DCAF8L2: variants seen among roughly 807,000 people sequenced by gnomAD.
The protein encoded by DCAF8L2 is DDB1- and CUL4-associated factor 8-like protein 2.
For synonymous variants in DCAF8L2, 200 were observed against 190.9 expected (o/e 1.05, Z -0.39); for missense variants, 430 against 490.7 (o/e 0.88, Z 1.17).
chrX:27,639,198 A>G (rs1336245572), intron 2 of DCAF8L2, among the ~76,000 whole-genome samples: 2 of 111,924 alleles, frequency 1.8e-5, no homozygotes. Flanking sequence ...AAAGACAAAC[A>G]TTGCATGTTG....
chrX:27,493,227 C>T, the DCAF8L2 span, among the ~76,000 whole-genome samples: 1 of 111,375 alleles, frequency 9.0e-6, no homozygotes, highest in East Asian at 2.9e-4. Context: ...GGTGACACAG[C>T]AAGACCCTGT....
chrX:27,651,548 C>T (rs1319604049), intron 2 of DCAF8L2, among the ~76,000 whole-genome samples: 2 of 84,008 alleles, frequency 2.4e-5, no homozygotes, highest in African/African-American at 4.7e-5. Context: ...CTTGCTCTGT[C>T]GCCCAGGCTG....
the DCAF8L2 span, chrX:27,519,736 T>C: frequency 1.8e-6 from 1 of 566,610 alleles, no homozygotes; most frequent in African/African-American, 2.2e-5. Context: ...GGCATTAAGT[T>C]CAGAATTAGC....
the DCAF8L2 span, among the ~76,000 whole-genome samples, chrX:27,579,615 T>TACACACACACACACACACACAC: frequency 1.1e-5 from 1 of 87,941 alleles, no homozygotes; most frequent in African/African-American, 4.4e-5. Context: ...TTCAGAGAAA[T>TACACACACACACACACACACAC]ACACACACAC....
chrX:27,637,433 A>T (rs1210139657), intron 2 of DCAF8L2, among the ~76,000 whole-genome samples: 1 of 111,767 alleles, frequency 8.9e-6, no homozygotes, highest in African/African-American at 3.3e-5. Flanking sequence ...TGCTTGACTG[A>T]ATTTCCACAT....
chrX:27,559,931 G>A, the DCAF8L2 span, among the ~76,000 whole-genome samples: 16 of 104,286 alleles, frequency 1.5e-4, no homozygotes. Context: ...CCATGAGTGT[G>A]TATATACTTT....
At chrX:27,584,124 T>C in the DCAF8L2 span, among the ~76,000 whole-genome samples, 1 of 111,849 alleles carries the variant, frequency 8.9e-6, no homozygotes, top group African/African-American at 3.2e-5. Context: ...ACATTTTTTC[T>C]GAGTAACTCA....
intron 2 of DCAF8L2, among the ~76,000 whole-genome samples, chrX:27,668,593 A>T (rs1489310667): frequency 3.6e-5 from 4 of 111,826 alleles, no homozygotes; most frequent in African/African-American, 6.5e-5. Context: ...ACCAGCTGTC[A>T]GTTAGTTAAG....
At chrX:27,577,131 G>A in the DCAF8L2 span, among the ~76,000 whole-genome samples, 201 of 112,100 alleles carry the variant, frequency 1.8e-3, no homozygotes, top group African/African-American at 5.9e-3. Flanking sequence ...AATTTGCAAC[G>A]AGAAATACAA....
At chrX:27,685,840 A>G (rs1032956683) in intron 3 of DCAF8L2, among the ~76,000 whole-genome samples, 2 of 112,004 alleles carry the variant, frequency 1.8e-5, no homozygotes, top group African/African-American at 6.5e-5. Context: ...CCATCTGACA[A>G]TGGATTAATA....
intron 4 of DCAF8L2, among the ~76,000 whole-genome samples, chrX:27,728,081 C>T (rs1221855898): frequency 9.0e-6 from 1 of 111,621 alleles, no homozygotes. Flanking sequence ...ACACCTCCTG[C>T]TTTGGGCTTG....
At chrX:27,485,292 C>A in the DCAF8L2 span, among the ~76,000 whole-genome samples, 4 of 111,707 alleles carry the variant, frequency 3.6e-5, no homozygotes, top group East Asian at 1.1e-3. Context: ...AACAAAAGTT[C>A]CACATATTTT....
In DCAF8L2 at chrX:27,746,914, A is replaced by G. The variant is rs1922201255; in HGVS notation, c.19A>G (p.Ser7Gly). MSHQEG[S>G]TDGLPDLGTE... is the part of the protein sequence containing the mutation. ...GTTCAAGATGTCCCACCAAGAAGGC[A>G]GCACAGACGGCTTACCAGACTTAGG... Residue 7 changes from serine to glycine, a missense_variant, in exon 5 of 5, where the codon AGC (serine) becomes GGC (glycine). Ser to Gly is a moderately conservative substitution (Grantham distance 56). Coordinates refer to ENST00000451261, the MANE Select transcript of DCAF8L2 (RefSeq NM_001353450.2). The G allele has an allele frequency of 8.3e-7, 1 of 1,200,885 alleles. No individual in the cohort carries two copies. The highest frequency in any genetic ancestry group is 1.1e-6 in the Non-Finnish European group (1 of 890,980).
intron 3 of DCAF8L2, among the ~76,000 whole-genome samples, chrX:27,681,906 TTATTTGTGGTCATAGAA>T (rs1322510754): frequency 8.9e-6 from 1 of 112,168 alleles, no homozygotes. Context: ...ATTCAGAGAA[TTATTTGTGGTCATAGAA>T]TATCAAAATA....
the DCAF8L2 span, among the ~76,000 whole-genome samples, chrX:27,559,494 T>C: frequency 8.9e-6 from 1 of 111,973 alleles, no homozygotes; most frequent in African/African-American, 3.3e-5. Flanking sequence ...TATGAGAACA[T>C]ATCAAGGCTA....
chrX:27,694,678 CT>C (rs1348936410), intron 3 of DCAF8L2, among the ~76,000 whole-genome samples: 10 of 111,386 alleles, frequency 9.0e-5, no homozygotes, highest in African/African-American at 3.3e-4. Flanking sequence ...TCATATTTTT[CT>C]TTTTTGTGCA....
the DCAF8L2 span, among the ~76,000 whole-genome samples, chrX:27,557,819 T>C: frequency 2.7e-4 from 29 of 108,759 alleles, no homozygotes; most frequent in East Asian, 5.1e-3. Flanking sequence ...TTTCCATGTC[T>C]ATCAGAGTTC....
Position 27,733,161 on chromosome X carries a change from T to A in DCAF8L2, c.-58-13677T>A, listed in dbSNP as rs5926888. 1.0e-3 allele frequency among the ~76,000 whole-genome samples: 110 copies of A among 110,204 alleles called. No homozygotes were observed. In the South Asian group the frequency reaches 0.022, roughly 22 times the overall value. The stretch of plus-strand genomic sequence containing the variant: ...TATGAGCCACCGTGCCCGGCCATGG[T>A]TTCCCTTTTATCCATACCCTCAACA... On this transcript the variant is annotated intron_variant, in intron 4 of 4. Coordinates refer to ENST00000451261, the MANE Select transcript of DCAF8L2 (RefSeq NM_001353450.2).
the DCAF8L2 span, among the ~76,000 whole-genome samples, chrX:27,527,747 G>A: frequency 5.8e-4 from 63 of 109,455 alleles, no homozygotes; most frequent in Non-Finnish European, 9.5e-4. Context: ...TGCCTCCTGG[G>A]TTCAAGCAAT....
Sources: allele counts gnomAD v4.1 joint callset (sites outside exome capture counted in the v4.1 genomes callset), GRCh38; gene constraint gnomAD v4.1.1; transcripts MANE v1.5; gene names NCBI Gene and HGNC (gene_info 2026-07-23, HGNC 2026-07-21).